The following CCBE1 variants were observed in gnomAD, a reference collection of about 807,000 sequenced individuals.
CCBE1 encodes the protein collagen and calcium binding EGF domains 1.
CCBE1 carries 37 observed loss-of-function variants against 50.0 expected under a neutral mutation model. That is an observed-to-expected ratio of 0.74 (90% CI 0.57 to 0.97). CCBE1 has a LOEUF of 0.97. Ranked by LOEUF, CCBE1 falls within the 50% of genes least tolerant of loss-of-function variation. The pLI is 0.00. For missense variants in CCBE1, 538 were observed against 523.8 expected, an observed-to-expected ratio of 1.03 and a Z score of -0.26; for synonymous variants, 234 against 203.7, an observed-to-expected ratio of 1.15 and a Z score of -1.27.
At chr18:59,440,174 C>T (rs189957820) in intron 7 of CCBE1, among the ~76,000 whole-genome samples, 2 of 152,308 alleles carry the variant, frequency 1.3e-5, no homozygotes, top group Admixed American at 6.5e-5. Flanking sequence ...TCCACTGGAT[C>T]ACAGCAGAGT....
intron 2 of CCBE1, among the ~76,000 whole-genome samples, chr18:59,551,009 A>AG (rs1915898306): frequency 3.7e-5 from 1 of 26,932 alleles, no homozygotes; most frequent in South Asian, 1.2e-3. Context: ...AAAAAAAAAA[A>AG]AAAAAAAAAA....
intron 2 of CCBE1, among the ~76,000 whole-genome samples, chr18:59,526,728 C>G (rs979522938): frequency 5.3e-5 from 8 of 152,138 alleles, no homozygotes; most frequent in African/African-American, 1.7e-4. Context: ...TCATTGGTTT[C>G]AAAGAACTTC....
chr18:59,584,577 T>G (rs1230265817), intron 2 of CCBE1, among the ~76,000 whole-genome samples: 3 of 152,114 alleles, frequency 2.0e-5, no homozygotes, highest in African/African-American at 7.2e-5. Context: ...CAGGGGAGGT[T>G]TCCAATGGTT....
At chr18:59,592,643 A>T (rs997349607) in intron 2 of CCBE1, among the ~76,000 whole-genome samples, 1 of 152,262 alleles carries the variant, frequency 6.6e-6, no homozygotes, top group Non-Finnish European at 1.5e-5. Context: ...CTATAGATAG[A>T]TACGTCTACT....
At chr18:59,447,398 G>A (rs1457096296) in intron 7 of CCBE1, among the ~76,000 whole-genome samples, 15 of 152,184 alleles carry the variant, frequency 9.9e-5, no homozygotes, top group Non-Finnish European at 1.3e-4. Flanking sequence ...TGAAATATAG[G>A]ATGGGAGTTA....
chr18:59,696,049 G>A (rs375957712), intron 2 of CCBE1, among the ~76,000 whole-genome samples: 4 of 152,180 alleles, frequency 2.6e-5, no homozygotes, highest in African/African-American at 9.7e-5. Context: ...GTTTTAACAA[G>A]CACCCGGGTC....
chr18:59,639,717 C>A (rs539255542), intron 2 of CCBE1, among the ~76,000 whole-genome samples: 2 of 152,034 alleles, frequency 1.3e-5, no homozygotes, highest in Non-Finnish European at 2.9e-5. Context: ...TGTTTCCAGG[C>A]GATATGATTT....
intron 7 of CCBE1, among the ~76,000 whole-genome samples, chr18:59,445,268 G>A (rs1022987896): frequency 1.3e-5 from 2 of 152,188 alleles, no homozygotes; most frequent in African/African-American, 4.8e-5. Flanking sequence ...GAAGGACATT[G>A]TGTTTTAACC....
chr18:59,523,608 C>A (rs1044673986), intron 2 of CCBE1, among the ~76,000 whole-genome samples: 2 of 151,928 alleles, frequency 1.3e-5, no homozygotes, highest in Non-Finnish European at 1.5e-5. Flanking sequence ...ATTGTAATAA[C>A]CTTATAACGA....
intron 2 of CCBE1, among the ~76,000 whole-genome samples, chr18:59,489,340 C>T: frequency 6.6e-6 from 1 of 152,256 alleles, no homozygotes; most frequent in East Asian, 1.9e-4. Flanking sequence ...CACAGACACT[C>T]AGATGGCCAG....
chr18:59,597,946 A>G (rs919793611), intron 2 of CCBE1, among the ~76,000 whole-genome samples: 2 of 152,208 alleles, frequency 1.3e-5, no homozygotes, highest in African/African-American at 4.8e-5. Context: ...CTCTCAAAGA[A>G]CAGAGCTTGG....
chr18:59,530,413 A>G (rs1915002722), intron 2 of CCBE1, among the ~76,000 whole-genome samples: 1 of 152,184 alleles, frequency 6.6e-6, no homozygotes. Flanking sequence ...ATACCCATGT[A>G]TAATTCTGGG....
intron 2 of CCBE1, among the ~76,000 whole-genome samples, chr18:59,481,547 C>A (rs1912570928): frequency 1.3e-5 from 2 of 152,074 alleles, no homozygotes; most frequent in Non-Finnish European, 2.9e-5. Context: ...CTGCTGAAAC[C>A]TAAAGAGAAA....
chr18:59,514,200 G>T (rs571996481), intron 2 of CCBE1, among the ~76,000 whole-genome samples: 1 of 152,196 alleles, frequency 6.6e-6, no homozygotes, highest in South Asian at 2.1e-4. Flanking sequence ...AACAGTTACG[G>T]ATCCCATATT....
intron 2 of CCBE1, among the ~76,000 whole-genome samples, chr18:59,602,853 G>A (rs1160683412): frequency 6.6e-6 from 1 of 152,218 alleles, no homozygotes; most frequent in Non-Finnish European, 1.5e-5. Context: ...CAGCCTAATG[G>A]TTAAGAACTC....
intron 2 of CCBE1, among the ~76,000 whole-genome samples, chr18:59,656,685 C>A (rs1169390292): frequency 6.6e-6 from 1 of 152,146 alleles, no homozygotes; most frequent in African/African-American, 2.4e-5. Flanking sequence ...TTTAAGAGGT[C>A]AGCATTTTTA....
At chr18:59,669,234 TC>T (rs1191266095) in intron 2 of CCBE1, among the ~76,000 whole-genome samples, 19 of 152,248 alleles carry the variant, frequency 1.2e-4, no homozygotes, top group African/African-American at 4.6e-4. Flanking sequence ...CCCCTCTAGC[TC>T]CCATAACCCC....
intron 2 of CCBE1, among the ~76,000 whole-genome samples, chr18:59,592,162 T>C (rs960562743): frequency 6.6e-6 from 1 of 152,180 alleles, no homozygotes; most frequent in African/African-American, 2.4e-5. Flanking sequence ...AGTTCAAGGC[T>C]ACAGTGAGCT....
chr18:59,575,414 C>T (rs1272147759), intron 2 of CCBE1, among the ~76,000 whole-genome samples: 1 of 152,146 alleles, frequency 6.6e-6, no homozygotes, highest in Admixed American at 6.5e-5. Context: ...ATCCACAAAG[C>T]TGCCAGCCAG....
Sources: gnomAD v4.1 joint callset for allele counts (sites outside exome capture counted in the v4.1 genomes callset) on GRCh38, gnomAD v4.1.1 for gene constraint, MANE v1.5 for transcripts, NCBI Gene and HGNC (gene_info 2026-07-23, HGNC 2026-07-21) for gene names.